NCAM2: variants seen among roughly 807,000 people sequenced by gnomAD.
NCAM2 encodes neural cell adhesion molecule 2, also known as N-CAM-2.
A neutral mutation model predicts 98.1 loss-of-function variants in NCAM2; 30 were observed. The observed-to-expected ratio is 0.31, with a 90% CI of 0.23 to 0.41. The LOEUF (loss-of-function observed/expected upper bound fraction) is 0.41, where lower values mean the gene tolerates loss of function less well. NCAM2 is among the 10% of genes least tolerant of loss of function. The probability of loss-of-function intolerance (pLI) is 1.00; values close to 1 mark genes in which losing one functional copy is unlikely to be tolerated. For synonymous variants in NCAM2, 368 were observed against 342.4 expected (o/e 1.07, Z -0.83); for missense variants, 867 against 1,005.8 (o/e 0.86, Z 1.87).
intron 12 of NCAM2, among the ~76,000 whole-genome samples, chr21:21,440,520 A>G (rs1555896320): frequency 6.6e-6 from 1 of 152,002 alleles, no homozygotes; most frequent in Non-Finnish European, 1.5e-5. Context: ...CATATTGACA[A>G]AAATACAAAA....
intron 6 of NCAM2, among the ~76,000 whole-genome samples, chr21:21,331,534 T>TATATATATATAC (rs1388107613): frequency 9.2e-4 from 10 of 10,916 alleles, no homozygotes; most frequent in African/African-American, 1.5e-3. Context: ...TATATATATA[T>TATATATATATAC]ACTCTATATA....
intron 1 of NCAM2, among the ~76,000 whole-genome samples, chr21:21,160,193 G>A (rs184992008): frequency 6.6e-5 from 10 of 151,990 alleles, no homozygotes; most frequent in African/African-American, 2.2e-4. Flanking sequence ...TTTTCAGCGT[G>A]TGGACATCAT....
chr21:21,072,427 A>T (rs1275009046), intron 1 of NCAM2, among the ~76,000 whole-genome samples: 2 of 152,238 alleles, frequency 1.3e-5, no homozygotes, highest in Non-Finnish European at 2.9e-5. Context: ...AGAAATACTT[A>T]TAGAAAACTT....
At chr21:21,255,259 G>A (rs767396128) in intron 1 of NCAM2, among the ~76,000 whole-genome samples, 11 of 152,132 alleles carry the variant, frequency 7.2e-5, no homozygotes, top group Non-Finnish European at 1.0e-4. Context: ...CTTATGAGTA[G>A]CTTACAGACA....
At chr21:21,418,116 T>A (rs2077031571) in intron 10 of NCAM2, among the ~76,000 whole-genome samples, 1 of 152,010 alleles carries the variant, frequency 6.6e-6, no homozygotes, top group South Asian at 2.1e-4. Context: ...CATGTATACA[T>A]AAATATATAC....
At chr21:21,402,063 A>G (rs1381182218) in intron 9 of NCAM2, among the ~76,000 whole-genome samples, 1 of 152,196 alleles carries the variant, frequency 6.6e-6, no homozygotes. Context: ...AATTGATTGT[A>G]AAACATATGT....
chr21:21,401,517 T>A (rs2076629870), intron 9 of NCAM2, among the ~76,000 whole-genome samples: 2 of 152,188 alleles, frequency 1.3e-5, no homozygotes, highest in Admixed American at 1.3e-4. Flanking sequence ...TTTCTATGAA[T>A]TTGACTGTTT....
intron 8 of NCAM2, among the ~76,000 whole-genome samples, chr21:21,357,064 G>T (rs567590765): frequency 6.6e-6 from 1 of 152,022 alleles, no homozygotes; most frequent in Non-Finnish European, 1.5e-5. Flanking sequence ...TAAGAGGGGA[G>T]ATGAAACTAA....
At chr21:21,127,586 C>T (rs1027153362) in intron 1 of NCAM2, among the ~76,000 whole-genome samples, 3 of 151,974 alleles carry the variant, frequency 2.0e-5, no homozygotes, top group Non-Finnish European at 2.9e-5. Flanking sequence ...TTTTTATACT[C>T]ATTAACCAAC....
chr21:21,494,409 A>G (rs1987068934), intron 15 of NCAM2, among the ~76,000 whole-genome samples: 1 of 151,462 alleles, frequency 6.6e-6, no homozygotes, highest in African/African-American at 2.4e-5. Context: ...GGGCTTAAAC[A>G]AAGAACTAAA....
Position 21,441,581 on chromosome 21 carries a change from G to A in NCAM2, c.1654+9300G>A, listed in dbSNP as rs73894697. 2.0e-3 allele frequency among the ~76,000 whole-genome samples: 298 copies of A among 152,228 alleles called. 4 individuals are homozygous for A. Among genetic ancestry groups the A allele is most frequent in the African/African-American group, 6.7e-3 (279 of 41,560 alleles). ...TCAGATGATTTTTATGCCTTATTTC[G>A]TAGGTTTAAAAGAGCAATGGGGAAA... On this transcript the variant is annotated intron_variant, in intron 12 of 17. Transcript: ENST00000400546.
At chr21:21,210,580 G>A in intron 1 of NCAM2, 1 of 1,288,922 alleles carries the variant, frequency 7.8e-7, no homozygotes, top group Non-Finnish European at 1.0e-6. Context: ...ATCTGATTCA[G>A]GAGGACAAGT....
chr21:21,262,097 G>A (rs2071924583), intron 1 of NCAM2, among the ~76,000 whole-genome samples: 1 of 152,006 alleles, frequency 6.6e-6, no homozygotes, highest in African/African-American at 2.4e-5. Flanking sequence ...ATACAAACTA[G>A]GAACCTTAGA....
intron 16 of NCAM2, among the ~76,000 whole-genome samples, chr21:21,514,178 T>C (rs1395271422): frequency 6.6e-6 from 1 of 151,066 alleles, no homozygotes; most frequent in Non-Finnish European, 1.5e-5. Flanking sequence ...ATATGAAATA[T>C]AATTTTACAT....
At chr21:21,325,973 A>G (rs1336516525) in intron 6 of NCAM2, among the ~76,000 whole-genome samples, 2 of 152,206 alleles carry the variant, frequency 1.3e-5, no homozygotes, top group South Asian at 4.1e-4. Flanking sequence ...GTAGGAAAGT[A>G]CAGGTGAATA....
intron 1 of NCAM2, among the ~76,000 whole-genome samples, chr21:21,254,571 T>G (rs955005452): frequency 1.3e-5 from 2 of 152,194 alleles, no homozygotes; most frequent in African/African-American, 4.8e-5. Flanking sequence ...AAAGGTGAAC[T>G]TTAATGTCTA....
rs1012945641 is a variant in NCAM2, at chr21:21,538,767, G to T, written c.*810G>T. 6.6e-6 allele frequency: 1 copy of T among 151,944 alleles called. No homozygotes were observed. The highest frequency in any genetic ancestry group is 1.5e-5 in the Non-Finnish European group (1 of 67,972). 9.4% of individuals were successfully genotyped at this position (151,944 alleles called of 1,614,324 possible). On this transcript the variant is annotated 3_prime_UTR_variant, in exon 18 of 18. Coordinates refer to ENST00000400546, the MANE Select transcript of NCAM2 (RefSeq NM_004540.5). ...CTTCAAATAAAGTAAATTGAAATGG[G>T]AACAATATCAATATGGTGTCTTGAT...
At chr21:21,116,328 A>C (rs2091953) in intron 1 of NCAM2, among the ~76,000 whole-genome samples, 90,252 of 151,808 alleles carry the variant, frequency 0.59, 27,537 homozygotes, top group East Asian at 0.83. Context: ...ATCCCATGAG[A>C]GATTATATAA....
intron 9 of NCAM2, among the ~76,000 whole-genome samples, chr21:21,384,143 G>A (rs1019656799): frequency 6.6e-6 from 1 of 151,874 alleles, no homozygotes; most frequent in Non-Finnish European, 1.5e-5. Flanking sequence ...TATGTTTAAA[G>A]TCTTAAATAG....
Sources: allele counts gnomAD v4.1 joint callset (sites outside exome capture counted in the v4.1 genomes callset), GRCh38; gene constraint gnomAD v4.1.1; transcripts MANE v1.5; gene names NCBI Gene and HGNC (gene_info 2026-07-23, HGNC 2026-07-21).